ZNF646: variants seen among roughly 807,000 people sequenced by gnomAD.
ZNF646 encodes zinc finger protein 646.
Under a neutral mutation model 115.4 loss-of-function variants are expected in ZNF646, and 49 were observed. The observed-to-expected ratio is 0.42, with a 90% CI of 0.34 to 0.54. The LOEUF is 0.54. ZNF646 is among the 20% of genes least tolerant of loss of function. ZNF646 has a pLI of 0.04. For synonymous variants in ZNF646, 933 were observed against 939.0 expected (o/e 0.99, Z 0.12); for missense variants, 2,269 against 2,457.9 (o/e 0.92, Z 1.62).
At position 31,076,287 on chromosome 16, in the gene ZNF646, GCTC is replaced by G. The variant is rs2057074264; in HGVS notation, c.-35_-33del. ...CAGAGGAAGGTGCTGCCACGTGTCT[GCTC>G]CTTCTGAACCTCCAGGTTTCTGCTA... On this transcript the variant is annotated 5_prime_UTR_variant, in exon 2 of 3. Coordinates refer to ENST00000300850, the MANE Select transcript of ZNF646 (RefSeq NM_014699.4). 1 of 1,569,984 alleles carries G rather than the reference GCTC, an allele frequency of 6.4e-7. No individual in the cohort carries two copies. The highest frequency in any genetic ancestry group is 1.8e-5 in the Admixed American group (1 of 56,052).
chr16:31,080,397 G>A lies in ZNF646; in HGVS notation c.4073G>A (p.Arg1358Gln), dbSNP rs747370791. The A allele has an allele frequency of 1.7e-5, 28 of 1,612,984 alleles. No homozygotes were observed. Among genetic ancestry groups the A allele is most frequent in the South Asian group, 9.9e-5 (9 of 91,066 alleles). Residue 1358 changes from arginine to glutamine, a missense_variant, in exon 2 of 3, where the codon CGG becomes CAG. Arg to Gln is a conservative substitution (Grantham distance 43, BLOSUM62 1). Around this residue, in one of 5 missense-constraint regions of ZNF646, gnomAD observed 1,062 missense variants for 1,172.8 expected, o/e 0.91. Transcript: ENST00000300850. ...GAGAATCGGCGGCGACGGGCTGGAC[G>A]GTCCAGGCGCACAGCTGTGCGTTGC... ...HSENRRRRAG[R>Q]SRRTAVRCAL...
At chr16:31,082,024 C>G (rs370180430) in intron 2 of ZNF646, 5 of 438,816 alleles carry the variant, frequency 1.1e-5, no homozygotes, top group African/African-American at 2.0e-5. Flanking sequence ...CTGGGTACCC[C>G]CTGGCTGCTG....
chr16:31,084,001 C>T lies in ZNF646; in HGVS notation c.*909C>T. ...GAACCAGAATCTGAATCAAATGGGT[C>T]TGCCTGTTGCTCCACCCTACCCAAG... is the stretch of plus-strand genomic sequence containing the variant. On this transcript the variant is annotated 3_prime_UTR_variant, in exon 3 of 3. Coordinates refer to ENST00000300850, the MANE Select transcript of ZNF646 (RefSeq NM_014699.4). The T allele has an allele frequency of 6.7e-7, 1 of 1,498,032 alleles. No homozygotes were observed. Among genetic ancestry groups the T allele is most frequent in the East Asian group, 2.5e-5 (1 of 40,450 alleles). 92.8% of individuals were successfully genotyped at this position (1,498,032 alleles called of 1,614,324 possible). A position where few individuals can be genotyped will look rare whatever the true frequency, so the allele number is the denominator to read the frequency against.
rs201707459 is a variant in ZNF646, at chr16:31,079,891, C to G, written c.3567C>G (p.Ala1189=). 1 of 1,611,618 alleles carries G rather than the reference C, an allele frequency of 6.2e-7. No individual in the cohort carries two copies. The highest frequency in any genetic ancestry group is 8.5e-7 in the Non-Finnish European group (1 of 1,178,352). The change falls in exon 2 of 3, where the codon GCC becomes GCG. Residue 1189 remains alanine, a synonymous_variant. Coordinates refer to ENST00000300850, the MANE Select transcript of ZNF646 (RefSeq NM_014699.4). The surrounding 1 kb of genome is among the most constrained non-coding windows in gnomAD (Gnocchi z 5.5). Reference sequence around the variant, plus strand: ...AGATAGAGCCCAGGCTGGAGACTGCCGAGAAGGGCTGCCAGACTGAAGCCA... The same window carrying G: ...AGATAGAGCCCAGGCTGGAGACTGCGGAGAAGGGCTGCCAGACTGAAGCCA... The part of the protein sequence containing the change: ...GEEIEPRLET[A]EKGCQTEASS...
At chr16:31,082,024 C>A (rs370180430) in intron 2 of ZNF646, 112 of 438,928 alleles carry the variant, frequency 2.6e-4, no homozygotes, top group African/African-American at 2.2e-3. Context: ...CTGGGTACCC[C>A]CTGGCTGCTG....
rs1480821022 is a variant in ZNF646 at position 31,080,654 on chromosome 16, A to G, written c.4330A>G (p.Ile1444Val). 1.9e-6 allele frequency: 3 copies of G among 1,613,996 alleles called. No individual in the cohort carries two copies. Among genetic ancestry groups the G allele is most frequent in the Admixed American group, 3.3e-5 (2 of 60,002 alleles). ...PRPGERSQSP[I>V]RAASSEAPEP... ...GCCAGGGGAGCGCAGTCAGAGCCCC[A>G]TCAGGGCAGCAAGCTCAGAAGCCCC... Residue 1444 changes from isoleucine to valine, a missense_variant, in exon 2 of 3, where the codon ATC becomes GTC. Ile to Val is a conservative substitution (Grantham distance 29). Around this residue, in one of 5 missense-constraint regions of ZNF646, gnomAD observed 1,062 missense variants for 1,172.8 expected, o/e 0.91. Transcript: ENST00000300850.
rs11864839 is a variant in ZNF646, at chr16:31,083,930, G to C, written c.*838G>C. On this transcript the variant is annotated 3_prime_UTR_variant, in exon 3 of 3. Transcript: ENST00000300850. ...CCGCCATGACAGATGAGAATACTGAGGCTCAAAGCGGTTGAGCAGCCTGCT... is the reference window on the plus strand; with the variant it reads ...CCGCCATGACAGATGAGAATACTGACGCTCAAAGCGGTTGAGCAGCCTGCT... The C allele has an allele frequency of 0.4, 622,671 of 1,546,158 alleles. 133,232 individuals are homozygous for C. Among genetic ancestry groups the C allele is most frequent in the South Asian group, 0.7 (57,232 of 82,216 alleles).
At position 31,080,902 on chromosome 16, in the gene ZNF646, G is replaced by A. The variant is rs1359342219; in HGVS notation, c.4578G>A (p.Gln1526=). Residue 1526 remains glutamine, a synonymous_variant, in exon 2 of 3, where the codon CAG becomes CAA. Transcript: ENST00000300850. ...ACAGAGACAACAGCTCTCAGCTGCA[G>A]CCAGGGAGCCACTCCTCTTGCAGCC... ...WDNRDNSSQL[Q]PGSHSSCSQC... 6.2e-7 allele frequency: 1 copy of A among 1,614,122 alleles called. No individual in the cohort carries two copies. The highest frequency in any genetic ancestry group is 1.3e-5 in the African/African-American group (1 of 75,056).
rs746534040 is a variant in ZNF646, at chr16:31,081,012, C to T, written c.4688C>T (p.Ser1563Phe). Reference protein sequence around the residue: ...KTDRHYCLLCSKEFLNPVATK... With the variant: ...KTDRHYCLLCFKEFLNPVATK... ...GACCGACACTATTGCCTGCTCTGCT[C>T]CAAGGAGTTCTTAAATCCTGTGGCC... The change falls in exon 2 of 3, where the codon TCC becomes TTC. Residue 1563 changes from serine to phenylalanine, a missense_variant. Around this residue, in one of 5 missense-constraint regions of ZNF646, gnomAD observed 1,062 missense variants for 1,172.8 expected, o/e 0.91. Transcript: ENST00000300850. 1.2e-6 allele frequency: 2 copies of T among 1,614,052 alleles called. No homozygotes were observed. The highest frequency in any genetic ancestry group is 1.7e-6 in the Non-Finnish European group (2 of 1,180,032).
chr16:31,072,996 C>T (rs2057027959), upstream of ZNF646: 1 of 152,262 alleles, frequency 6.6e-6, no homozygotes, highest in African/African-American at 2.4e-5. Context: ...AAAATGGGGT[C>T]CCTTAAGTTT....
Position 31,078,574 on chromosome 16 carries a change from T to A in ZNF646, c.2250T>A (p.Gly750=). The change falls in exon 2 of 3, where the codon GGT becomes GGA. Residue 750 remains glycine (G), a synonymous_variant. Transcript: ENST00000300850. ...GLERDETHFQ[G]DKESGGTGEG... is the part of the protein sequence containing the mutation. ...AGAGGGATGAGACCCATTTCCAGGG[T>A]GATAAAGAGAGCGGAGGCACTGGGG... 6.2e-7 allele frequency: 1 copy of A among 1,609,310 alleles called. No individual in the cohort carries two copies. The highest frequency in any genetic ancestry group is 8.5e-7 in the Non-Finnish European group (1 of 1,176,998).
chr16:31,081,355 C>A lies in ZNF646; in HGVS notation c.5031C>A (p.Phe1677Leu). Residue 1677 changes from phenylalanine to leucine, a missense_variant, in exon 2 of 3, where the codon TTC becomes TTA. Physicochemically the swap from Phe to Leu is conservative, Grantham distance 22. Coordinates refer to ENST00000300850, the MANE Select transcript of ZNF646 (RefSeq NM_014699.4). ...CGGCTGAGGACAAGGAGCGGCCCTT[C>A]CGCTGCACCCAGTGCGGGCGCTCCT... ...SMAAEDKERP[F>L]RCTQCGRSYR... is the part of the protein sequence containing the mutation. 1.9e-6 allele frequency: 3 copies of A among 1,613,850 alleles called. No homozygotes were observed. Among genetic ancestry groups the A allele is most frequent in the South Asian group, 1.1e-5 (1 of 91,068 alleles).
At chr16:31,081,766 A>G in intron 2 of ZNF646, 65 bp downstream of exon 2, 1 of 1,483,084 alleles carries the variant, frequency 6.7e-7, no homozygotes, top group South Asian at 1.4e-5. Context: ...CCAGCCCCAA[A>G]GTCGGTGGGG....
In ZNF646 at chr16:31,076,827, C is replaced by G. The variant is rs761128420; in HGVS notation, c.503C>G (p.Thr168Ser). ...AASGTWEDLP[T>S]RQREGLASHP... ...TCGGGTACGTGGGAAGATCTGCCCACCAGACAAAGAGAAGGCTTGGCAAGC... is the reference window on the plus strand; with the variant it reads ...TCGGGTACGTGGGAAGATCTGCCCAGCAGACAAAGAGAAGGCTTGGCAAGC... Residue 168 changes from threonine to serine, a missense_variant, in exon 2 of 3, where the codon ACC becomes AGC. Physicochemically the swap from Thr to Ser is moderately conservative, Grantham distance 58. Around this residue, in one of 5 missense-constraint regions of ZNF646, gnomAD observed 334 missense variants for 323.5 expected, o/e 1.03. Coordinates refer to ENST00000300850, the MANE Select transcript of ZNF646 (RefSeq NM_014699.4). 2.5e-6 allele frequency: 4 copies of G among 1,614,140 alleles called. No individual in the cohort carries two copies. The Admixed American group carries it at 6.7e-5, about 27-fold the overall frequency.
intron 2 of ZNF646, 95 bp from the exon 3 acceptor site, chr16:31,082,876 C>T: frequency 6.8e-7 from 1 of 1,477,784 alleles, no homozygotes; most frequent in Non-Finnish European, 9.0e-7. Flanking sequence ...GCCTCCGGGG[C>T]CAGGGGCAGG....
rs1362522185 is a variant in ZNF646, at chr16:31,080,759, G to T, written c.4435G>T (p.Val1479Phe). The change falls in exon 2 of 3, where the codon GTT (valine) becomes TTT (phenylalanine). Residue 1479 changes from valine to phenylalanine, a missense_variant. Val to Phe is a conservative substitution (Grantham distance 50). Transcript: ENST00000300850. ...GGLGNHSGGW[V>F]PQFLTRSEEP... The stretch of plus-strand genomic sequence containing the variant: ...ACTGGGGAATCATAGTGGAGGCTGG[G>T]TTCCTCAGTTCCTAACTAGGTCAGA... 1 of 1,613,634 alleles carries T rather than the reference G, an allele frequency of 6.2e-7. No individual in the cohort carries two copies. The highest frequency in any genetic ancestry group is 8.5e-7 in the Non-Finnish European group (1 of 1,179,918).
chr16:31,082,986 C>G lies in ZNF646; in HGVS notation c.5393C>G (p.Pro1798Arg), dbSNP rs753591461. The G allele has an allele frequency of 1.3e-6, 2 of 1,598,790 alleles. No homozygotes were observed. The highest frequency in any genetic ancestry group is 1.7e-6 in the Non-Finnish European group (2 of 1,172,724). The change falls in exon 3 of 3, where the codon CCA becomes CGA. Residue 1798 changes from proline to arginine, a missense_variant. This residue lies in a region of ZNF646 where 1,062 missense variants were observed against 1,172.8 expected (regional missense o/e 0.91). Transcript: ENST00000300850. ...TVAGSGAPVA[P>R]VTGRGDLPLP... Reference sequence around the variant, plus strand: ...CTCCCCCCAGGAGCCCCAGTGGCACCAGTGACGGGCAGAGGGGACTTGCCA... The same window carrying G: ...CTCCCCCCAGGAGCCCCAGTGGCACGAGTGACGGGCAGAGGGGACTTGCCA...
rs772055005 is a variant in ZNF646 at position 31,081,559 on chromosome 16, C to T, written c.5235C>T (p.Ala1745=). The T allele has an allele frequency of 6.2e-7, 1 of 1,613,774 alleles. No individual in the cohort carries two copies. Among genetic ancestry groups the T allele is most frequent in the Admixed American group, 1.7e-5 (1 of 60,024 alleles). Residue 1745 remains alanine, a synonymous_variant, in exon 2 of 3, where the codon GCC becomes GCT. Transcript: ENST00000300850. ...GTGGCAAGGCCTTTCGGACAGCTGCCCGGCTGGAGGGCCACGGGCGGGTCC... is the reference window on the plus strand; with the variant it reads ...GTGGCAAGGCCTTTCGGACAGCTGCTCGGCTGGAGGGCCACGGGCGGGTCC... ...SICGKAFRTA[A]RLEGHGRVHA...
chr16:31,081,747 G>A (rs1317295873), intron 2 of ZNF646, 46 bp downstream of exon 2: 1 of 1,513,320 alleles, frequency 6.6e-7, no homozygotes, highest in Non-Finnish European at 8.9e-7. Context: ...ACACAGTGGA[G>A]GGGGAAGTCC....
Sources: allele counts gnomAD v4.1 joint callset, GRCh38; gene constraint gnomAD v4.1.1; regional missense constraint gnomAD v4.1.1; non-coding constraint Gnocchi (gnomAD v3.1); transcripts MANE v1.5; gene names NCBI Gene and HGNC (gene_info 2026-07-23, HGNC 2026-07-21).